ASTN2: variants seen among roughly 807,000 people sequenced by gnomAD.
ASTN2 encodes the protein astrotactin 2.
A neutral mutation model predicts 139.8 loss-of-function variants in ASTN2; 54 were observed. The observed-to-expected ratio is 0.39, with a 90% CI of 0.31 to 0.48. The LOEUF (loss-of-function observed/expected upper bound fraction) is 0.48, where lower values mean the gene tolerates loss of function less well. Among genes scored for constraint, ASTN2 ranks in the 20% least tolerant of loss-of-function variants. The probability of loss-of-function intolerance (pLI) is 0.95; values close to 1 mark genes in which losing one functional copy is unlikely to be tolerated. For synonymous variants in ASTN2, 756 were observed against 719.5 expected (o/e 1.05, Z -0.81); for missense variants, 1,565 against 1,725.1 (o/e 0.91, Z 1.64).
At chr9:116,497,766 C>T (rs1263614895) in intron 19 of ASTN2, among the ~76,000 whole-genome samples, 1 of 152,146 alleles carries the variant, frequency 6.6e-6, no homozygotes, top group Non-Finnish European at 1.5e-5. Context: ...TCCTCCCCCC[C>T]AATCACTCTT....
At chr9:117,016,629 T>TGTTAA (rs1330733841) in intron 6 of ASTN2, among the ~76,000 whole-genome samples, 1 of 50,600 alleles carries the variant, frequency 2.0e-5, no homozygotes, top group Non-Finnish European at 3.7e-5. Flanking sequence ...TCTATCTATA[T>TGTTAA]ATATATATAT....
At chr9:117,286,354 CT>C (rs35094114) in intron 2 of ASTN2, among the ~76,000 whole-genome samples, 34 of 135,734 alleles carry the variant, frequency 2.5e-4, no homozygotes, top group African/African-American at 7.6e-4. Flanking sequence ...TTCCCACTTT[CT>C]TTTTTTTTTT....
intron 20 of ASTN2, among the ~76,000 whole-genome samples, chr9:116,462,591 A>G (rs927452479): frequency 2.0e-5 from 3 of 152,184 alleles, no homozygotes; most frequent in African/African-American, 7.2e-5. Flanking sequence ...TGAAAGTTCA[A>G]TGCTTTACTC....
intron 3 of ASTN2, among the ~76,000 whole-genome samples, chr9:117,207,291 G>T (rs1265897796): frequency 6.6e-6 from 1 of 151,964 alleles, no homozygotes; most frequent in Non-Finnish European, 1.5e-5. Context: ...CCACAGAAAC[G>T]CCCCAAACCA....
intron 5 of ASTN2, among the ~76,000 whole-genome samples, chr9:117,084,822 A>G (rs751245012): frequency 4.3e-4 from 66 of 152,236 alleles, no homozygotes; most frequent in Non-Finnish European, 7.9e-4. Context: ...TTAAATGATT[A>G]GAATCTGAAA....
chr9:116,830,414 G>GT (rs57045679), intron 11 of ASTN2, among the ~76,000 whole-genome samples: 3 of 151,622 alleles, frequency 2.0e-5, no homozygotes, highest in African/African-American at 7.3e-5. Flanking sequence ...CAGTATGAAG[G>GT]TTTTTTTTTA....
intron 19 of ASTN2, among the ~76,000 whole-genome samples, chr9:116,589,866 C>T (rs1854309187): frequency 6.6e-6 from 1 of 152,210 alleles, no homozygotes; most frequent in Non-Finnish European, 1.5e-5. Flanking sequence ...TTTTAACCCA[C>T]TGTAGAGTTT....
chr9:116,697,621 T>C, intron 16 of ASTN2: 1 of 1,245,310 alleles, frequency 8.0e-7, no homozygotes, highest in Non-Finnish European at 1.1e-6. Context: ...TTTATTTATA[T>C]AGTCAGAGGA....
intron 17 of ASTN2, among the ~76,000 whole-genome samples, chr9:116,625,638 T>C (rs1856411852): frequency 6.6e-6 from 1 of 152,158 alleles, no homozygotes; most frequent in African/African-American, 2.4e-5. Context: ...CTCCACTGAT[T>C]CAACCTCCTT....
At chr9:117,109,795 A>G (rs1210970229) in intron 4 of ASTN2, among the ~76,000 whole-genome samples, 1 of 152,172 alleles carries the variant, frequency 6.6e-6, no homozygotes, top group African/African-American at 2.4e-5. Context: ...TTTGTCCACC[A>G]TGCATTGACA....
intron 10 of ASTN2, among the ~76,000 whole-genome samples, chr9:116,930,000 A>G (rs902513958): frequency 6.6e-6 from 1 of 152,164 alleles, no homozygotes; most frequent in Non-Finnish European, 1.5e-5. Context: ...GGCTGATGGG[A>G]TGTACTGGGA....
chr9:117,356,095 A>G (rs1034000002), intron 1 of ASTN2, among the ~76,000 whole-genome samples: 14 of 152,174 alleles, frequency 9.2e-5, no homozygotes, highest in African/African-American at 3.4e-4. Context: ...CATTTTGTCT[A>G]TGCACAAATC....
chr9:117,064,469 T>A (rs1475302111), intron 5 of ASTN2, among the ~76,000 whole-genome samples: 1 of 152,116 alleles, frequency 6.6e-6, no homozygotes, highest in Non-Finnish European at 1.5e-5. Context: ...ATGTTAAGAA[T>A]CCAAACTTCT....
chr9:116,983,574 T>C (rs1836580034), intron 7 of ASTN2, among the ~76,000 whole-genome samples: 1 of 152,208 alleles, frequency 6.6e-6, no homozygotes, highest in Admixed American at 6.5e-5. Flanking sequence ...AATGATCATG[T>C]GTGAGACACT....
At chr9:116,964,561 G>C (rs1278935936) in intron 10 of ASTN2, among the ~76,000 whole-genome samples, 1 of 152,146 alleles carries the variant, frequency 6.6e-6, no homozygotes, top group Non-Finnish European at 1.5e-5. Context: ...CATCACTCAG[G>C]ACTGTCCATG....
chr9:116,986,715 T>A (rs1836693917), intron 7 of ASTN2, among the ~76,000 whole-genome samples: 1 of 152,190 alleles, frequency 6.6e-6, no homozygotes, highest in East Asian at 1.9e-4. Context: ...AGAGGGGTAG[T>A]ACCCTGCTTG....
At chr9:117,341,380 A>T (rs756534451) in intron 1 of ASTN2, among the ~76,000 whole-genome samples, 6 of 152,212 alleles carry the variant, frequency 3.9e-5, no homozygotes, top group Non-Finnish European at 5.9e-5. Flanking sequence ...GGTGAGAGAC[A>T]TAGACAGACA....
At chr9:116,834,505 T>C (rs1225201414) in intron 11 of ASTN2, among the ~76,000 whole-genome samples, 1 of 152,238 alleles carries the variant, frequency 6.6e-6, no homozygotes, top group Non-Finnish European at 1.5e-5. Flanking sequence ...AGGATTTCTA[T>C]GTCTTCATGG....
At chr9:117,243,163 G>T (rs1286214775) in intron 2 of ASTN2, among the ~76,000 whole-genome samples, 1 of 152,176 alleles carries the variant, frequency 6.6e-6, no homozygotes, top group African/African-American at 2.4e-5. Flanking sequence ...GGACAAAGTT[G>T]CATAGCTAAG....
Sources: gnomAD v4.1 joint callset for allele counts (sites outside exome capture counted in the v4.1 genomes callset) on GRCh38, gnomAD v4.1.1 for gene constraint, MANE v1.5 for transcripts, NCBI Gene and HGNC (gene_info 2026-07-23, HGNC 2026-07-21) for gene names.